The following SLC35F3 variants were observed in gnomAD, a reference collection of about 807,000 sequenced individuals.
SLC35F3 encodes the protein putative thiamine transporter SLC35F3.
A neutral mutation model predicts 49.9 loss-of-function variants in SLC35F3; 25 were observed. That is an observed-to-expected ratio of 0.50 (90% confidence interval 0.37 to 0.70). SLC35F3 has a LOEUF of 0.70. Among genes scored for constraint, SLC35F3 ranks in the 30% least tolerant of loss-of-function variants. The pLI is 0.00. For missense variants in SLC35F3, 525 were observed against 639.8 expected, an observed-to-expected ratio of 0.82 and a Z score of 1.94; for synonymous variants, 275 against 265.4, an observed-to-expected ratio of 1.04 and a Z score of -0.35.
chr1:233,954,516 A>G (rs1662662789), intron 2 of SLC35F3, among the ~76,000 whole-genome samples: 1 of 152,202 alleles, frequency 6.6e-6, no homozygotes, highest in African/African-American at 2.4e-5. Context: ...CTAATGTGAA[A>G]GCTCTTCTGG....
chr1:234,002,267 T>G (rs529628086), intron 2 of SLC35F3, among the ~76,000 whole-genome samples: 3 of 152,180 alleles, frequency 2.0e-5, no homozygotes, highest in Non-Finnish European at 4.4e-5. Context: ...TGCACTATTG[T>G]TAATGTAAGG....
rs558194074 is a variant in SLC35F3, at chr1:234,176,157, C to T, written c.284-55260C>T. 2.4e-3 allele frequency among the ~76,000 whole-genome samples: 359 copies of T among 152,204 alleles called. 2 individuals are homozygous for T. The highest frequency in any genetic ancestry group is 0.01 in the Middle Eastern group (3 of 294). On this transcript the variant is annotated intron_variant, in intron 2 of 7. Transcript: ENST00000366618. ...CTACCTGAGCCATATGCTGGAGTTC[C>T]GCATGAAACAAATTCTGCCGCCAAG...
Position 234,240,367 on chromosome 1 carries a change from G to A in SLC35F3, c.608+8626G>A, listed in dbSNP as rs145424629. Among the ~76,000 whole-genome samples the A allele has an allele frequency of 6.0e-3, 913 of 152,044 alleles. 7 individuals carry two copies. Among genetic ancestry groups the A allele is most frequent in the Admixed American group, 0.02 (309 of 15,302 alleles). The stretch of plus-strand genomic sequence containing the variant: ...TGCCTGTAGTCCCAGCATTTTGGGA[G>A]GCTGAGTCGGGTGGATCACTTGAGT... On this transcript the variant is annotated intron_variant, in intron 3 of 7. Transcript: ENST00000366618.
intron 3 of SLC35F3, among the ~76,000 whole-genome samples, chr1:234,291,926 A>G (rs534984017): frequency 6.6e-6 from 1 of 152,324 alleles, no homozygotes; most frequent in South Asian, 2.1e-4. Context: ...CCAGACTGAG[A>G]TGGGATGAGA....
intron 2 of SLC35F3, among the ~76,000 whole-genome samples, chr1:234,086,904 CA>C (rs956350228): frequency 6.6e-6 from 1 of 152,220 alleles, no homozygotes; most frequent in Admixed American, 6.5e-5. Context: ...GCCTTGACAA[CA>C]TGTGAATAAA....
At chr1:233,964,750 A>G (rs1176077591) in intron 2 of SLC35F3, among the ~76,000 whole-genome samples, 1 of 152,216 alleles carries the variant, frequency 6.6e-6, no homozygotes, top group African/African-American at 2.4e-5. Flanking sequence ...ATGAGTTCTG[A>G]TGGTAGCACC....
intron 3 of SLC35F3, chr1:234,268,433 G>A (rs1454954428): frequency 6.6e-6 from 1 of 152,390 alleles, no homozygotes; most frequent in Non-Finnish European, 1.5e-5. Flanking sequence ...GGCATCAGAG[G>A]GAGACCGTGG....
chr1:234,319,175 T>C (rs1657558388), intron 6 of SLC35F3, among the ~76,000 whole-genome samples: 1 of 152,202 alleles, frequency 6.6e-6, no homozygotes, highest in Non-Finnish European at 1.5e-5. Context: ...CTCTGAATAA[T>C]GAACTAATAC....
chr1:233,933,059 G>C (rs1662271117), intron 2 of SLC35F3, among the ~76,000 whole-genome samples: 1 of 121,302 alleles, frequency 8.2e-6, no homozygotes, highest in South Asian at 2.8e-4. Context: ...AAAAAACTAT[G>C]ACCATGGTAA....
intron 2 of SLC35F3, among the ~76,000 whole-genome samples, chr1:234,151,393 T>A (rs75491652): frequency 0.017 from 2,623 of 152,022 alleles, 85 homozygotes; most frequent in African/African-American, 0.058. Context: ...AATCCCAGGC[T>A]AAGTTATTAT....
chr1:234,135,971 C>T lies in SLC35F3; in HGVS notation c.284-95446C>T, dbSNP rs557329095. ...CTGCACCGTGCCATATACCAAGGGC[C>T]GGATCAAGGGCACTGGGGATGAGAA... On this transcript the variant is annotated intron_variant, in intron 2 of 7. Coordinates refer to ENST00000366618, the MANE Select transcript of SLC35F3 (RefSeq NM_173508.4). Among the ~76,000 whole-genome samples the T allele has an allele frequency of 5.3e-5, 8 of 152,172 alleles. No individual in the cohort carries two copies. The South Asian group carries it at 8.3e-4, about 16-fold the overall frequency.
At chr1:234,280,270 A>C (rs889198505) in intron 3 of SLC35F3, among the ~76,000 whole-genome samples, 2 of 152,238 alleles carry the variant, frequency 1.3e-5, no homozygotes, top group Non-Finnish European at 2.9e-5. Context: ...TAGGCAACAA[A>C]TAGGCTTCCT....
chr1:234,281,108 C>T (rs1410646799), intron 3 of SLC35F3, among the ~76,000 whole-genome samples: 3 of 151,788 alleles, frequency 2.0e-5, no homozygotes, highest in Admixed American at 2.0e-4. Flanking sequence ...AATTCATATG[C>T]TGAAGCCCTA....
chr1:234,031,682 T>C (rs12729362), intron 2 of SLC35F3, among the ~76,000 whole-genome samples: 19,994 of 152,162 alleles, frequency 0.13, 1,634 homozygotes, highest in Non-Finnish European at 0.18. Flanking sequence ...TTCATTGGTA[T>C]TACAGGTGCG....
At chr1:233,917,605 A>T (rs1320944608) in intron 2 of SLC35F3, among the ~76,000 whole-genome samples, 1 of 152,190 alleles carries the variant, frequency 6.6e-6, no homozygotes, top group Non-Finnish European at 1.5e-5. Flanking sequence ...TTCTTCCTCT[A>T]GCAGAACTAA....
At position 234,250,671 on chromosome 1, in the gene SLC35F3, AAG is replaced by A. The variant is rs1350988040; in HGVS notation, c.608+18932_608+18933del. 1.2e-3 allele frequency among the ~76,000 whole-genome samples: 179 copies of A among 151,648 alleles called. 1 individual carries two copies. The highest frequency in any genetic ancestry group is 4.2e-3 in the African/African-American group (172 of 41,346). On this transcript the variant is annotated intron_variant, in intron 3 of 7. Coordinates refer to ENST00000366618, the MANE Select transcript of SLC35F3 (RefSeq NM_173508.4). The stretch of plus-strand genomic sequence containing the variant: ...TCCGTCTCAAAAAAAAAAAAAAAAA[AAG>A]AAGTTCCTTTGATTCATCATTTTGC...
chr1:233,976,745 G>C (rs912900152), intron 2 of SLC35F3, among the ~76,000 whole-genome samples: 1 of 152,018 alleles, frequency 6.6e-6, no homozygotes, highest in Non-Finnish European at 1.5e-5. Context: ...CAAGGAGCTG[G>C]GATTACAGGT....
chr1:233,989,077 T>C (rs978154664), intron 2 of SLC35F3, among the ~76,000 whole-genome samples: 3 of 152,244 alleles, frequency 2.0e-5, no homozygotes, highest in African/African-American at 7.2e-5. Flanking sequence ...ATTGATCCAT[T>C]TGTCAAGATG....
intron 2 of SLC35F3, among the ~76,000 whole-genome samples, chr1:234,068,916 T>C (rs1246563638): frequency 7.8e-6 from 1 of 128,994 alleles, no homozygotes; most frequent in East Asian, 2.1e-4. Flanking sequence ...TATTTTTATA[T>C]GTAATATATT....
Sources: allele counts gnomAD v4.1 joint callset (sites outside exome capture counted in the v4.1 genomes callset), GRCh38; gene constraint gnomAD v4.1.1; transcripts MANE v1.5; gene names NCBI Gene and HGNC (gene_info 2026-07-23, HGNC 2026-07-21).